Variants in BNC2 observed in about 807,000 individuals in gnomAD.
The protein encoded by BNC2 is zinc finger protein basonuclin-2.
In BNC2, 20 loss-of-function variants were observed where a neutral mutation model predicts 76.3. That is an observed-to-expected ratio of 0.26 (90% CI 0.18 to 0.38). The LOEUF is 0.38. Among genes scored for constraint, BNC2 ranks in the 10% least tolerant of loss-of-function variants. BNC2 has a pLI of 1.00. For missense variants in BNC2, 1,382 were observed against 1,399.8 expected, an observed-to-expected ratio of 0.99 and a Z score of 0.20; for synonymous variants, 582 against 514.8, an observed-to-expected ratio of 1.13 and a Z score of -1.77.
At chr9:16,485,473 G>A (rs1822144562) in intron 5 of BNC2, among the ~76,000 whole-genome samples, 1 of 152,108 alleles carries the variant, frequency 6.6e-6, no homozygotes, top group Non-Finnish European at 1.5e-5. Context: ...CAAGCCTTCT[G>A]GAATTTCTGC....
intron 3 of BNC2, among the ~76,000 whole-genome samples, chr9:16,626,625 TG>T (rs1198118955): frequency 1.3e-5 from 2 of 152,138 alleles, no homozygotes; most frequent in Non-Finnish European, 2.9e-5. Flanking sequence ...AACCTGGCTC[TG>T]GGGTGCTGGC....
intron 3 of BNC2, among the ~76,000 whole-genome samples, chr9:16,653,196 G>A (rs2133967666): frequency 6.6e-6 from 1 of 152,216 alleles, no homozygotes; most frequent in South Asian, 2.1e-4. Context: ...GGTCTGTGTA[G>A]TTTTACTGTT....
At chr9:16,659,643 G>A (rs940644805) in intron 3 of BNC2, among the ~76,000 whole-genome samples, 1 of 150,068 alleles carries the variant, frequency 6.7e-6, no homozygotes. Flanking sequence ...GCTTGTTTCT[G>A]CATCAGGGTC....
At chr9:16,624,567 T>C (rs1046959082) in intron 3 of BNC2, among the ~76,000 whole-genome samples, 3 of 152,206 alleles carry the variant, frequency 2.0e-5, no homozygotes, top group Non-Finnish European at 4.4e-5. Context: ...AAACCTACCA[T>C]GCATGGCAAG....
At chr9:16,767,837 G>A (rs931425790) in intron 1 of BNC2, among the ~76,000 whole-genome samples, 6 of 152,096 alleles carry the variant, frequency 3.9e-5, no homozygotes, top group South Asian at 2.1e-4. Flanking sequence ...TCCTCCACTG[G>A]ATAATTTTAA....
intron 3 of BNC2, among the ~76,000 whole-genome samples, chr9:16,676,570 T>C (rs1185252320): frequency 6.6e-6 from 1 of 152,206 alleles, no homozygotes; most frequent in Non-Finnish European, 1.5e-5. Flanking sequence ...CACAGAAATA[T>C]TGGTATTGAG....
chr9:16,687,121 CAT>C (rs1166210244), intron 3 of BNC2, among the ~76,000 whole-genome samples: 12 of 151,808 alleles, frequency 7.9e-5, no homozygotes, highest in Admixed American at 5.9e-4. Flanking sequence ...CTCAGAGTCA[CAT>C]GTTATTAGGT....
intron 5 of BNC2, among the ~76,000 whole-genome samples, chr9:16,481,355 C>T (rs373292067): frequency 7.1e-4 from 108 of 152,184 alleles, no homozygotes; most frequent in African/African-American, 2.5e-3. Flanking sequence ...TTTGTTCTTT[C>T]GCTCCTTGCA....
rs561728297 is a variant in BNC2, at chr9:16,842,903, C to T, written c.3+27743G>A. On this transcript the variant is annotated intron_variant, in intron 1 of 6. Transcript: ENST00000380672. Reference sequence around the variant, plus strand: ...AGTAGCTGGGATTACAGGTGTGCACCACCACACCCAACTAATTTTTGTATT... The same window carrying T: ...AGTAGCTGGGATTACAGGTGTGCACTACCACACCCAACTAATTTTTGTATT... 5.2e-3 allele frequency among the ~76,000 whole-genome samples: 798 copies of T among 152,154 alleles called. 5 individuals carry two copies. The highest frequency in any genetic ancestry group is 0.02 in the Middle Eastern group (6 of 294).
chr9:16,708,988 TTATC>T (rs981269235), intron 3 of BNC2, among the ~76,000 whole-genome samples: 20 of 152,176 alleles, frequency 1.3e-4, no homozygotes, highest in African/African-American at 4.8e-4. Flanking sequence ...TACACTTGGA[TTATC>T]TATCTGTGTC....
intron 6 of BNC2, among the ~76,000 whole-genome samples, chr9:16,430,152 T>C (rs1409702445): frequency 6.6e-6 from 1 of 151,808 alleles, no homozygotes; most frequent in Admixed American, 6.6e-5. Flanking sequence ...GTACAAAAGG[T>C]CTATTGATCT....
chr9:16,695,147 G>A (rs200295541), intron 3 of BNC2, among the ~76,000 whole-genome samples: 11 of 152,144 alleles, frequency 7.2e-5, no homozygotes, highest in African/African-American at 2.4e-4. Context: ...GAAGCTTAGT[G>A]GACAACAGAA....
Position 16,616,323 on chromosome 9 carries a change from T to C in BNC2, c.331-33238A>G, listed in dbSNP as rs1432044256. On this transcript the variant is annotated intron_variant, in intron 3 of 6. Transcript: ENST00000380672. ...AGCAGGATTGCTTGAGCCTCGGATG[T>C]TGAGACTGCAGTGAGCCATGATCAC... Among the ~76,000 whole-genome samples, 4 of 151,728 alleles carry C rather than the reference T, an allele frequency of 2.6e-5. No individual in the cohort carries two copies. In the East Asian group the frequency reaches 5.8e-4, roughly 22 times the overall value.
chr9:16,660,051 A>G (rs913408438), intron 3 of BNC2, among the ~76,000 whole-genome samples: 2 of 152,200 alleles, frequency 1.3e-5, no homozygotes, highest in African/African-American at 4.8e-5. Context: ...TCACCCCCAA[A>G]TAAGTTTTAC....
At chr9:16,420,706 CAT>C (rs35766150) in intron 6 of BNC2, among the ~76,000 whole-genome samples, 1 of 150,516 alleles carries the variant, frequency 6.6e-6, no homozygotes, top group South Asian at 2.1e-4. Context: ...TATTTTTTTA[CAT>C]ATATATATAT....
chr9:16,716,755 TTA>T (rs2134804206), intron 3 of BNC2, among the ~76,000 whole-genome samples: 1 of 152,348 alleles, frequency 6.6e-6, no homozygotes, highest in East Asian at 1.9e-4. Context: ...TGTTTTTACA[TTA>T]TGTTTCATCA....
intron 1 of BNC2, among the ~76,000 whole-genome samples, chr9:16,742,626 A>G (rs1824884177): frequency 6.6e-6 from 1 of 152,248 alleles, no homozygotes. Context: ...ATAGAGCTTT[A>G]TAAAGCAGCA....
intron 3 of BNC2, among the ~76,000 whole-genome samples, chr9:16,656,838 G>A (rs1466093309): frequency 6.6e-6 from 1 of 152,166 alleles, no homozygotes; most frequent in African/African-American, 2.4e-5. Context: ...TCCTCACAGA[G>A]GGAATCTTTA....
At chr9:16,792,527 G>C (rs887794847) in intron 1 of BNC2, among the ~76,000 whole-genome samples, 2 of 152,166 alleles carry the variant, frequency 1.3e-5, no homozygotes, top group African/African-American at 4.8e-5. Flanking sequence ...AAAAGAACAA[G>C]GATGCACAAT....
Sources: gnomAD v4.1 joint callset for allele counts (sites outside exome capture counted in the v4.1 genomes callset) on GRCh38, gnomAD v4.1.1 for gene constraint, MANE v1.5 for transcripts, NCBI Gene and HGNC (gene_info 2026-07-23, HGNC 2026-07-21) for gene names.